FADS3: variants seen among roughly 807,000 people sequenced by gnomAD.
The protein encoded by FADS3 is cytochrome b5-related protein.
FADS3 carries 30 observed loss-of-function variants against 60.4 expected under a neutral mutation model. That is an observed-to-expected ratio of 0.50 (90% CI 0.37 to 0.67). The LOEUF (loss-of-function observed/expected upper bound fraction) is 0.67, where lower values mean the gene tolerates loss of function less well. Among genes scored for constraint, FADS3 ranks in the 30% least tolerant of loss-of-function variants. FADS3 has a pLI of 0.00. For missense variants in FADS3, 432 were observed against 598.3 expected (o/e 0.72, Z 2.90); for synonymous variants, 234 against 249.3 (o/e 0.94, Z 0.58).
chr11:61,880,192 C>T, intron 1 of FADS3, 41 bp from the exon 2 acceptor site: 2 of 1,539,800 alleles, frequency 1.3e-6, no homozygotes, highest in Non-Finnish European at 1.8e-6. Flanking sequence ...ACAGACACAG[C>T]TGAGTAGCAC....
At chr11:61,881,988 G>T (rs759199590) in intron 1 of FADS3, 9 of 152,126 alleles carry the variant, frequency 5.9e-5, no homozygotes, top group Non-Finnish European at 1.3e-4. Flanking sequence ...GGGAAGGCTG[G>T]GGGTCCCCAG....
At position 61,875,933 on chromosome 11, in the gene FADS3, GGGCCACCCGGCTGTA is replaced by G. The variant is rs1297551673; in HGVS notation, c.1189_1203del (p.Tyr397_Ala401del). ...TTGGCACACAGCGACTTGACCAGCG[GGGCCACCCGGCTGTA>G]GTTGTGTCTCGGCATCCTGGGGAAG... On this transcript the variant is annotated inframe_deletion, in exon 11 of 12. Transcript: ENST00000278829. The G allele has an allele frequency of 6.2e-7, 1 of 1,613,856 alleles. No individual in the cohort carries two copies. Among genetic ancestry groups the G allele is most frequent in the Admixed American group, 1.7e-5 (1 of 60,032 alleles).
chr11:61,878,890 G>A, intron 3 of FADS3, 43 bp from the exon 4 acceptor site: 2 of 1,575,856 alleles, frequency 1.3e-6, no homozygotes, highest in African/African-American at 1.4e-5. Flanking sequence ...GAAGGACGGA[G>A]CCCGCCAGGG....
chr11:61,882,122 T>G (rs866531168), intron 1 of FADS3: 4 of 141,236 alleles, frequency 2.8e-5, no homozygotes, highest in East Asian at 2.1e-4. Flanking sequence ...TTTTTTTTTT[T>G]TTTTTTGAGA....
intron 2 of FADS3, 52 bp from the exon 3 acceptor site, chr11:61,879,561 C>G (rs763518746): frequency 2.6e-5 from 40 of 1,516,842 alleles, no homozygotes; most frequent in Non-Finnish European, 3.6e-5. Context: ...TCCCCACCCC[C>G]ATTCTCCTGG....
In FADS3 at chr11:61,878,053, C is replaced by T. The variant is rs142782741; in HGVS notation, c.808+102G>A. 2.8e-4 allele frequency: 285 copies of T among 1,015,848 alleles called. No individual in the cohort carries two copies. The African/African-American group carries it at 2.8e-3, about 10-fold the overall frequency. The allele number at this position is 1,015,848 out of a possible 1,614,324, so 62.9% of individuals were successfully genotyped here. On this transcript the variant is annotated intron_variant, in intron 6 of 11. Coordinates refer to ENST00000278829, the MANE Select transcript of FADS3 (RefSeq NM_021727.5). Reference sequence around the variant, plus strand: ...GCCATGACCAGGGAGACCTGACAGACGTGCCCCGCCCCAGGAAGTGGCTGG... The same window carrying T: ...GCCATGACCAGGGAGACCTGACAGATGTGCCCCGCCCCAGGAAGTGGCTGG...
At chr11:61,886,660 G>C (rs772667160) in intron 1 of FADS3, among the ~76,000 whole-genome samples, 1 of 151,810 alleles carries the variant, frequency 6.6e-6, no homozygotes. Flanking sequence ...ACCCTTCAAG[G>C]GTCCTGAGAA....
chr11:61,875,699 T>C, intron 11 of FADS3, 152 bp downstream of exon 11: 1 of 914,752 alleles, frequency 1.1e-6, no homozygotes. Flanking sequence ...ATTCTCACTG[T>C]GTGCGTGAAG....
chr11:61,891,860 T>A (rs1266784388), upstream of FADS3: 1 of 152,112 alleles, frequency 6.6e-6, no homozygotes, highest in Non-Finnish European at 1.5e-5. Context: ...AACACGCACC[T>A]GTTGGGCGTC....
At position 61,878,805 on chromosome 11, in the gene FADS3, T is replaced by C; in HGVS notation, c.565A>G (p.Ile189Val). The change falls in exon 4 of 12, where the codon ATC (isoleucine) becomes GTC (valine). Residue 189 changes from isoleucine to valine, a missense_variant. Physicochemically the swap from Ile to Val is conservative, Grantham distance 29. Around this residue, in one of 5 missense-constraint regions of FADS3, gnomAD observed 116 missense variants for 208.9 expected, o/e 0.56. Coordinates refer to ENST00000278829, the MANE Select transcript of FADS3 (RefSeq NM_021727.5). ...TGGTTCCACCAGGACTTCTTGAAGATGGAGGCATGGCCCAGGTCATGCTGC... is the reference window on the plus strand; with the variant it reads ...TGGTTCCACCAGGACTTCTTGAAGACGGAGGCATGGCCCAGGTCATGCTGC... ...CLQHDLGHAS[I>V]FKKSWWNHVA... The C allele has an allele frequency of 6.2e-7, 1 of 1,614,192 alleles. No homozygotes were observed. Among genetic ancestry groups the C allele is most frequent in the Non-Finnish European group, 8.5e-7 (1 of 1,180,030 alleles).
rs1257187682 is a variant in FADS3, at chr11:61,891,522, G to A, written c.-141C>T. ...CGCCCTGCCGCCGCGGCCGCCGTAC[G>A]AGCGAGCGTGCGCCTCCCGGCTCGC... On this transcript the variant is annotated 5_prime_UTR_variant, in exon 1 of 12. Transcript: ENST00000278829. 4.1e-6 allele frequency: 2 copies of A among 481,978 alleles called. No individual in the cohort carries two copies. The highest frequency in any genetic ancestry group is 9.6e-5 in the Admixed American group (2 of 20,942). 29.9% of individuals were successfully genotyped at this position (481,978 alleles called of 1,614,324 possible). A position where few individuals can be genotyped will look rare whatever the true frequency, so the allele number is the denominator to read the frequency against.
At chr11:61,875,752 T>C (rs1361798942) in intron 11 of FADS3, 99 bp downstream of exon 11, 5 of 1,457,270 alleles carry the variant, frequency 3.4e-6, no homozygotes, top group Non-Finnish European at 4.6e-6. Context: ...ACAGAAAGGC[T>C]CAGGGACCCT....
At position 61,876,525 on chromosome 11, in the gene FADS3, G is replaced by A. The variant is rs921046662; in HGVS notation, c.984-70C>T. ...AGGCACCCTGAGTGGAGGCTGGAGA[G>A]CAGCTGTCCCCAAGTGGCCTTGACT... is the stretch of plus-strand genomic sequence containing the variant. On this transcript the variant is annotated intron_variant, in intron 8 of 11. Transcript: ENST00000278829. This position sits in a 1 kb window ranked among gnomAD's most constrained non-coding sequence, Gnocchi z 5.7. 4.9e-5 allele frequency: 63 copies of A among 1,281,312 alleles called. No individual in the cohort carries two copies. In the South Asian group the frequency reaches 7.0e-4, roughly 14 times the overall value. 79.4% of individuals were successfully genotyped at this position (1,281,312 alleles called of 1,614,324 possible).
chr11:61,876,591 C>A lies in FADS3; in HGVS notation c.984-136G>T, dbSNP rs1044479776. On this transcript the variant is annotated intron_variant, in intron 8 of 11. Transcript: ENST00000278829. The surrounding 1 kb of genome is among the most constrained non-coding windows in gnomAD (Gnocchi z 5.7). ...TAGGATTGTGGCCATCGCCCCCTTG[C>A]CAGTGTTTAAAGAATCTGAATGGAG... 7.7e-5 allele frequency: 57 copies of A among 744,526 alleles called. No individual in the cohort carries two copies. The highest frequency in any genetic ancestry group is 1.2e-4 in the Non-Finnish European group (50 of 429,868). The allele number at this position is 744,526 out of a possible 1,614,324, so 46.1% of individuals were successfully genotyped here.
At chr11:61,878,273 G>T in intron 5 of FADS3, 58 bp from the exon 6 acceptor site, 1 of 1,570,996 alleles carries the variant, frequency 6.4e-7, no homozygotes, top group South Asian at 1.1e-5. Context: ...CCTTCTCCCG[G>T]GCAAGGTCAC....
chr11:61,876,689 C>T lies in FADS3; in HGVS notation c.983+177G>A. On this transcript the variant is annotated intron_variant, in intron 8 of 11. Transcript: ENST00000278829. This position sits in a 1 kb window ranked among gnomAD's most constrained non-coding sequence, Gnocchi z 5.7. The stretch of plus-strand genomic sequence containing the variant: ...GGCCACTTACAAGCCAGGCCACGCT[C>T]CCTAAACCCACCGACCCTGGGCTCC... The T allele has an allele frequency of 1.4e-6, 1 of 699,108 alleles. No homozygotes were observed. The allele number at this position is 699,108 out of a possible 1,614,324, so 43.3% of individuals were successfully genotyped here.
intron 3 of FADS3, among the ~76,000 whole-genome samples, chr11:61,879,076 T>C (rs1938024717): frequency 6.6e-6 from 1 of 152,238 alleles, no homozygotes; most frequent in Non-Finnish European, 1.5e-5. Flanking sequence ...TCAGTGGCCC[T>C]GTGCTTGATC....
chr11:61,891,509 G>A lies in FADS3; in HGVS notation c.-128C>T, dbSNP rs1034555589. 81 of 574,148 alleles carry A rather than the reference G, an allele frequency of 1.4e-4. No individual in the cohort carries two copies. Among genetic ancestry groups the A allele is most frequent in the Non-Finnish European group, 1.9e-4 (77 of 396,886 alleles). The allele number at this position is 574,148 out of a possible 1,614,324, so 35.6% of individuals were successfully genotyped here. Reference sequence around the variant, plus strand: ...GCTGCTCCGGCCCCGCCCTGCCGCCGCGGCCGCCGTACGAGCGAGCGTGCG... The same window carrying A: ...GCTGCTCCGGCCCCGCCCTGCCGCCACGGCCGCCGTACGAGCGAGCGTGCG... On this transcript the variant is annotated 5_prime_UTR_variant, in exon 1 of 12. Transcript: ENST00000278829.
chr11:61,891,320 G>C lies in FADS3; in HGVS notation c.62C>G (p.Pro21Arg), dbSNP rs756223266. The C allele has an allele frequency of 2.6e-6, 4 of 1,523,098 alleles. No homozygotes were observed. The highest frequency in any genetic ancestry group is 3.5e-6 in the Non-Finnish European group (4 of 1,139,190). 94.3% of individuals were successfully genotyped at this position (1,523,098 alleles called of 1,614,324 possible). Reference sequence around the variant, plus strand: ...GCGGATCTGCTCCCAGCAGAAGGTGGGCAGCGGCGCCCCCGGCTGCGCGGG... The same window carrying C: ...GCGGATCTGCTCCCAGCAGAAGGTGCGCAGCGGCGCCCCCGGCTGCGCGGG... The part of the protein sequence containing the change: ...EGPAQPGAPL[P>R]TFCWEQIRAH... Residue 21 changes from proline to arginine, a missense_variant, in exon 1 of 12, where the codon CCC becomes CGC. Pro to Arg is a moderately radical substitution (Grantham distance 103). This residue lies in a region of FADS3 where 167 missense variants were observed against 188.8 expected (regional missense o/e 0.88). Transcript: ENST00000278829.
Sources: gnomAD v4.1 joint callset for allele counts (sites outside exome capture counted in the v4.1 genomes callset) on GRCh38, gnomAD v4.1.1 for gene constraint, gnomAD v4.1.1 regional missense constraint, Gnocchi (gnomAD v3.1) non-coding constraint, MANE v1.5 for transcripts, NCBI Gene and HGNC (gene_info 2026-07-23, HGNC 2026-07-21) for gene names.